Variants in CAMTA1 observed in about 807,000 individuals in gnomAD.
The protein encoded by CAMTA1 is calmodulin-binding transcription activator 1.
A neutral mutation model predicts 170.9 loss-of-function variants in CAMTA1; 27 were observed. The observed-to-expected ratio is 0.16, with a 90% confidence interval of 0.12 to 0.22. CAMTA1 has a LOEUF of 0.22. Ranked by LOEUF, CAMTA1 falls within the 10% of genes least tolerant of loss-of-function variation. CAMTA1 has a pLI of 1.00. For synonymous variants in CAMTA1, 833 were observed against 891.5 expected, an observed-to-expected ratio of 0.93 and a Z score of 1.17; for missense variants, 1,619 against 2,217.2, an observed-to-expected ratio of 0.73 and a Z score of 5.42.
intron 3 of CAMTA1, among the ~76,000 whole-genome samples, chr1:7,069,735 G>C (rs911019038): frequency 5.3e-5 from 8 of 152,122 alleles, no homozygotes; most frequent in Non-Finnish European, 1.2e-4. Context: ...AGCTGGTAGC[G>C]AGGGCTTGTG....
chr1:7,105,144 G>T (rs1348889903), intron 4 of CAMTA1, among the ~76,000 whole-genome samples: 1 of 152,186 alleles, frequency 6.6e-6, no homozygotes, highest in African/African-American at 2.4e-5. Context: ...ATAATTAATA[G>T]TAAAGTTAAT....
chr1:7,733,043 T>C (rs560705146), intron 12 of CAMTA1, among the ~76,000 whole-genome samples: 1 of 151,114 alleles, frequency 6.6e-6, no homozygotes, highest in East Asian at 2.0e-4. Context: ...AAAAAAAAAA[T>C]TTTTTTTAAT....
At chr1:7,587,798 C>G (rs2095323540) in intron 6 of CAMTA1, among the ~76,000 whole-genome samples, 1 of 152,100 alleles carries the variant, frequency 6.6e-6, no homozygotes. Flanking sequence ...TGGCAGGAAC[C>G]TGGAGGCACC....
chr1:7,271,505 C>T (rs1316309290), intron 5 of CAMTA1, among the ~76,000 whole-genome samples: 2 of 151,146 alleles, frequency 1.3e-5, no homozygotes, highest in African/African-American at 4.9e-5. Context: ...TCAATGAAAC[C>T]AGAAGTTGAT....
intron 3 of CAMTA1, among the ~76,000 whole-genome samples, chr1:6,870,421 G>C (rs1018135375): frequency 6.6e-6 from 1 of 152,112 alleles, no homozygotes; most frequent in African/African-American, 2.4e-5. Context: ...CATGAGCTCT[G>C]CAAGTTATTT....
At chr1:7,676,892 C>T (rs2096126316) in intron 10 of CAMTA1, among the ~76,000 whole-genome samples, 1 of 152,236 alleles carries the variant, frequency 6.6e-6, no homozygotes, top group Admixed American at 6.5e-5. Flanking sequence ...TGAGAACATA[C>T]CTCGTTTATT....
At chr1:7,684,240 G>A (rs2096239503) in intron 11 of CAMTA1, among the ~76,000 whole-genome samples, 1 of 152,226 alleles carries the variant, frequency 6.6e-6, no homozygotes. Flanking sequence ...GACGCCCCAG[G>A]ACTCGGGCAG....
chr1:7,517,058 A>C (rs1423630947), intron 6 of CAMTA1, among the ~76,000 whole-genome samples: 1 of 152,192 alleles, frequency 6.6e-6, no homozygotes, highest in Non-Finnish European at 1.5e-5. Context: ...GATATTAGCC[A>C]CTGCTATCTT....
At chr1:7,650,188 G>A (rs902907330) in intron 7 of CAMTA1, among the ~76,000 whole-genome samples, 1 of 152,186 alleles carries the variant, frequency 6.6e-6, no homozygotes, top group South Asian at 2.1e-4. Context: ...CCAGGCGGCC[G>A]GCACTCCTAG....
chr1:7,702,355 C>T (rs1376317068), intron 11 of CAMTA1, among the ~76,000 whole-genome samples: 1 of 152,156 alleles, frequency 6.6e-6, no homozygotes, highest in Non-Finnish European at 1.5e-5. Flanking sequence ...AAACAAACAA[C>T]AACAACAGGA....
chr1:7,213,995 A>C (rs1659284887), intron 4 of CAMTA1, among the ~76,000 whole-genome samples: 1 of 152,076 alleles, frequency 6.6e-6, no homozygotes, highest in African/African-American at 2.4e-5. Flanking sequence ...CATTTTCTTA[A>C]TCCAGTCTAT....
chr1:7,156,265 A>C (rs1646879396), intron 4 of CAMTA1, among the ~76,000 whole-genome samples: 1 of 146,380 alleles, frequency 6.8e-6, no homozygotes, highest in Admixed American at 6.9e-5. Flanking sequence ...CAAGAATGAA[A>C]ACTCCACCTC....
intron 5 of CAMTA1, among the ~76,000 whole-genome samples, chr1:7,257,349 G>A (rs933917757): frequency 7.2e-5 from 11 of 152,244 alleles, no homozygotes; most frequent in Admixed American, 1.3e-4. Flanking sequence ...CAGGTCCCTC[G>A]CTGTCCACTT....
At chr1:7,424,888 C>T (rs949535611) in intron 5 of CAMTA1, among the ~76,000 whole-genome samples, 4 of 152,126 alleles carry the variant, frequency 2.6e-5, no homozygotes, top group Middle Eastern at 3.4e-3. Context: ...GTCATGGTGG[C>T]GCTCATCCTC....
intron 6 of CAMTA1, among the ~76,000 whole-genome samples, chr1:7,595,913 C>T (rs955661926): frequency 3.3e-5 from 5 of 152,156 alleles, no homozygotes; most frequent in Admixed American, 1.3e-4. Context: ...GATGACATCC[C>T]AAGGAACGTG....
intron 6 of CAMTA1, among the ~76,000 whole-genome samples, chr1:7,510,401 C>T (rs1454307392): frequency 6.9e-6 from 1 of 145,648 alleles, no homozygotes; most frequent in Non-Finnish European, 1.5e-5. Flanking sequence ...ATTGATGCAC[C>T]TTGCTTCGCC....
In CAMTA1 at chr1:6,918,355, CAG is replaced by C. The variant is rs1681281816; in HGVS notation, c.234+93148_234+93149del. On this transcript the variant is annotated intron_variant, in intron 3 of 22. Coordinates refer to ENST00000303635, the MANE Select transcript of CAMTA1 (RefSeq NM_015215.4). This position sits in a 1 kb window ranked among gnomAD's most constrained non-coding sequence, Gnocchi z 4.0. ...TTTGTCCTGGGAGCCAATGAGCAGA[CAG>C]AGTTTGGGTAATCTATGCAAAGGCC... Among the ~76,000 whole-genome samples, 1 of 152,184 alleles carries C rather than the reference CAG, an allele frequency of 6.6e-6. No homozygotes were observed.
In CAMTA1 at chr1:7,685,918, A is replaced by C. The variant is rs1408037873; in HGVS notation, c.2914+8185A>C. 1.3e-5 allele frequency among the ~76,000 whole-genome samples: 2 copies of C among 152,126 alleles called. No individual in the cohort carries two copies. Among genetic ancestry groups the C allele is most frequent in the Non-Finnish European group, 2.9e-5 (2 of 68,018 alleles). ...GGATAATCCCACCCAAAAACCCAGG[A>C]GTCACCCCTTGCTCACTCCCTCCCC... On this transcript the variant is annotated intron_variant, in intron 11 of 22. Transcript: ENST00000303635. This position sits in a 1 kb window ranked among gnomAD's most constrained non-coding sequence, Gnocchi z 5.7.
intron 6 of CAMTA1, among the ~76,000 whole-genome samples, chr1:7,608,516 T>C (rs1448810214): frequency 1.3e-5 from 2 of 152,130 alleles, no homozygotes; most frequent in African/African-American, 4.8e-5. Flanking sequence ...CAGGACTGCA[T>C]AACACCAGTG....
Sources: gnomAD v4.1 joint callset for allele counts (sites outside exome capture counted in the v4.1 genomes callset) on GRCh38, gnomAD v4.1.1 for gene constraint, Gnocchi (gnomAD v3.1) non-coding constraint, MANE v1.5 for transcripts, NCBI Gene and HGNC (gene_info 2026-07-23, HGNC 2026-07-21) for gene names.